Variants in DSE observed in about 807,000 individuals in gnomAD.
The protein encoded by DSE is dermatan-sulfate epimerase.
DSE carries 36 observed loss-of-function variants against 84.4 expected under a neutral mutation model. The ratio of observed to expected loss-of-function variants is 0.43; its 90% CI spans 0.33 to 0.56. The LOEUF is 0.56. Ranked by LOEUF, DSE falls within the 20% of genes least tolerant of loss-of-function variation. The pLI, the probability that DSE is intolerant of heterozygous loss-of-function variation, is 0.06. For synonymous variants in DSE, 410 were observed against 430.1 expected (o/e 0.95, Z 0.58); for missense variants, 862 against 1,169.6 (o/e 0.74, Z 3.84).
intron 2 of DSE, among the ~76,000 whole-genome samples, chr6:116,330,117 G>A (rs545833120): frequency 3.1e-4 from 47 of 152,322 alleles, no homozygotes; most frequent in South Asian, 8.3e-4. Context: ...GAGCCACTGC[G>A]CCTGGCCCAT....
chr6:116,373,610 A>C (rs763388884), intron 1 of DSE, among the ~76,000 whole-genome samples: 2 of 152,240 alleles, frequency 1.3e-5, no homozygotes, highest in Non-Finnish European at 2.9e-5. Flanking sequence ...AAGCTAATAC[A>C]GTTCCTTTCA....
intron 2 of DSE, among the ~76,000 whole-genome samples, chr6:116,265,297 G>A (rs529750280): frequency 1.3e-5 from 2 of 152,292 alleles, no homozygotes; most frequent in African/African-American, 4.8e-5. Flanking sequence ...AAGCAGGAGT[G>A]ATTGCTCAGG....
At chr6:116,416,146 C>T (rs919952280) in intron 2 of DSE, among the ~76,000 whole-genome samples, 2 of 152,300 alleles carry the variant, frequency 1.3e-5, no homozygotes, top group Middle Eastern at 3.4e-3. Flanking sequence ...CATCTCTCTC[C>T]GACTACAGCC....
intron 2 of DSE, among the ~76,000 whole-genome samples, chr6:116,273,059 A>T (rs1156376805): frequency 6.6e-6 from 1 of 152,192 alleles, no homozygotes; most frequent in African/African-American, 2.4e-5. Flanking sequence ...AAGTTTTATC[A>T]TCCCTACATT....
intron 2 of DSE, among the ~76,000 whole-genome samples, chr6:116,322,069 C>T (rs952587005): frequency 1.1e-4 from 16 of 151,916 alleles, no homozygotes; most frequent in African/African-American, 3.1e-4. Context: ...CTTTTAAAGG[C>T]TCACAACTCT....
intron 2 of DSE, among the ~76,000 whole-genome samples, chr6:116,355,145 TAC>T (rs760353130): frequency 3.9e-5 from 6 of 152,338 alleles, no homozygotes; most frequent in Admixed American, 3.9e-4. Context: ...TTTGCATACA[TAC>T]AGTTTCACAC....
At chr6:116,332,374 T>TTGTGTGTGTGTG (rs67724248) in intron 2 of DSE, among the ~76,000 whole-genome samples, 3 of 150,262 alleles carry the variant, frequency 2.0e-5, no homozygotes, top group East Asian at 1.9e-4. Context: ...CCCAGTTGGT[T>TTGTGTGTGTGTG]TGTGTGTGTG....
At chr6:116,383,262 GT>G (rs923809663) in intron 1 of DSE, among the ~76,000 whole-genome samples, 4 of 151,948 alleles carry the variant, frequency 2.6e-5, no homozygotes, top group Non-Finnish European at 2.9e-5. Flanking sequence ...ACAAAAGGGA[GT>G]TTTTTTTCCA....
At chr6:116,376,170 C>T (rs1044555762) in intron 1 of DSE, among the ~76,000 whole-genome samples, 1 of 152,182 alleles carries the variant, frequency 6.6e-6, no homozygotes, top group Non-Finnish European at 1.5e-5. Flanking sequence ...TTACAGACCC[C>T]CTTTCCGCAG....
At position 116,267,646 on chromosome 6, in the gene DSE, A is replaced by G. The variant is rs535551495; in HGVS notation, c.-54+8679A>G. 2.0e-5 allele frequency among the ~76,000 whole-genome samples: 3 copies of G among 152,304 alleles called. No homozygotes were observed. In the South Asian group the frequency reaches 6.2e-4, roughly 32 times the overall value. Reference sequence around the variant, plus strand: ...GAAAGAAAAATTTTTTTATAAACTTAGTGTCCCAAAGTGTACAATGTTTAT... The same window carrying G: ...GAAAGAAAAATTTTTTTATAAACTTGGTGTCCCAAAGTGTACAATGTTTAT... On this transcript the variant is annotated intron_variant, in intron 2 of 3. Coordinates refer to the DSE transcript ENST00000430252.
At chr6:116,278,469 C>G in intron 2 of DSE, 3 of 1,612,422 alleles carry the variant, frequency 1.9e-6, no homozygotes, top group Non-Finnish European at 2.5e-6. Context: ...ACAGGTCCAG[C>G]AGAAGGTGGT....
chr6:116,283,763 C>G (rs982686927), intron 2 of DSE, among the ~76,000 whole-genome samples: 1 of 152,068 alleles, frequency 6.6e-6, no homozygotes, highest in Non-Finnish European at 1.5e-5. Context: ...AGGCTGGTCT[C>G]GAATTCCCGA....
chr6:116,409,571 G>T (rs531799974), intron 2 of DSE, among the ~76,000 whole-genome samples: 3 of 152,168 alleles, frequency 2.0e-5, no homozygotes, highest in African/African-American at 4.8e-5. Flanking sequence ...GAGCCAACAC[G>T]CCCGGCCAAT....
chr6:116,295,807 G>A (rs1024744380), intron 2 of DSE, among the ~76,000 whole-genome samples: 5 of 152,112 alleles, frequency 3.3e-5, no homozygotes, highest in Non-Finnish European at 7.4e-5. Flanking sequence ...TATCATAGAA[G>A]CCTCTTTGAA....
At chr6:116,344,795 G>T (rs1777844448) in intron 2 of DSE, among the ~76,000 whole-genome samples, 1 of 152,150 alleles carries the variant, frequency 6.6e-6, no homozygotes, top group Non-Finnish European at 1.5e-5. Flanking sequence ...AAATGTAAAT[G>T]GGCTAAATGC....
At chr6:116,416,567 T>C (rs1383951905) in intron 2 of DSE, among the ~76,000 whole-genome samples, 2 of 152,090 alleles carry the variant, frequency 1.3e-5, no homozygotes, top group Admixed American at 1.3e-4. Flanking sequence ...TGTTATAAAA[T>C]TTATATTAAA....
At chr6:116,303,319 C>G (rs1026001304) in intron 2 of DSE, among the ~76,000 whole-genome samples, 2 of 152,148 alleles carry the variant, frequency 1.3e-5, no homozygotes, top group Non-Finnish European at 2.9e-5. Flanking sequence ...CTTCTGCCCC[C>G]TTACACACTC....
chr6:116,308,663 T>C (rs1775488563), intron 2 of DSE, among the ~76,000 whole-genome samples: 1 of 152,146 alleles, frequency 6.6e-6, no homozygotes, highest in South Asian at 2.1e-4. Context: ...ACCCATCTTT[T>C]GTTGCATTTT....
intron 2 of DSE, among the ~76,000 whole-genome samples, chr6:116,331,909 A>G (rs1776963433): frequency 6.6e-6 from 1 of 152,128 alleles, no homozygotes; most frequent in Non-Finnish European, 1.5e-5. Context: ...GTGGGCCAAG[A>G]TGGTATCACT....
Sources: gnomAD v4.1 joint callset for allele counts (sites outside exome capture counted in the v4.1 genomes callset) on GRCh38, gnomAD v4.1.1 for gene constraint, MANE v1.5 for transcripts, NCBI Gene and HGNC (gene_info 2026-07-23, HGNC 2026-07-21) for gene names.